Variants in PIGK observed in about 807,000 individuals in gnomAD.
PIGK encodes GPI-anchor transamidase.
A neutral mutation model predicts 50.6 loss-of-function variants in PIGK; 42 were observed. That is an observed-to-expected ratio of 0.83 (90% CI 0.65 to 1.07). The LOEUF is 1.07. PIGK is among the 50% of genes least tolerant of loss of function. PIGK has a pLI of 0.00. For synonymous variants in PIGK, 151 were observed against 156.0 expected (o/e 0.97, Z 0.24); for missense variants, 448 against 488.7 (o/e 0.92, Z 0.78).
chr1:77,162,063 C>G (rs1206612260), intron 6 of PIGK, among the ~76,000 whole-genome samples: 3 of 152,142 alleles, frequency 2.0e-5, no homozygotes, highest in Non-Finnish European at 4.4e-5. Context: ...AGAAGTATGA[C>G]TTAGTAACTA....
intron 3 of PIGK, chr1:77,195,421 T>C (rs1656011356): frequency 1.9e-6 from 2 of 1,033,802 alleles, no homozygotes; most frequent in African/African-American, 3.2e-5. Context: ...GGTGCTCACT[T>C]CCTGTTTCCA....
intron 1 of PIGK, among the ~76,000 whole-genome samples, chr1:77,212,159 C>T (rs1490995622): frequency 6.6e-6 from 1 of 152,068 alleles, no homozygotes; most frequent in Non-Finnish European, 1.5e-5. Context: ...ACCATCCTGA[C>T]ACCTAATGAA....
intron 1 of PIGK, among the ~76,000 whole-genome samples, chr1:77,214,225 A>C (rs1265577450): frequency 6.6e-6 from 1 of 151,890 alleles, no homozygotes; most frequent in Non-Finnish European, 1.5e-5. Context: ...AGCATACAAC[A>C]AAAAAAAGGA....
intron 9 of PIGK, among the ~76,000 whole-genome samples, chr1:77,136,031 C>CT (rs935461204): frequency 2.0e-5 from 3 of 152,102 alleles, no homozygotes; most frequent in Non-Finnish European, 4.4e-5. Flanking sequence ...GTTCATTTCC[C>CT]TTTTTCAAAA....
At chr1:77,154,694 CACTAA>C in intron 8 of PIGK, 73 bp from the exon 9 acceptor site, 2 of 952,648 alleles carry the variant, frequency 2.1e-6, no homozygotes, top group Non-Finnish European at 3.2e-6. Context: ...TCACATAATT[CACTAA>C]ACTATAGTGT....
intron 9 of PIGK, among the ~76,000 whole-genome samples, chr1:77,128,748 A>C (rs2100532974): frequency 6.6e-6 from 1 of 152,330 alleles, no homozygotes; most frequent in East Asian, 1.9e-4. Flanking sequence ...TTTTACACAC[A>C]TATTTATATA....
At chr1:77,151,150 C>G (rs1227954366) in intron 9 of PIGK, among the ~76,000 whole-genome samples, 1 of 152,066 alleles carries the variant, frequency 6.6e-6, no homozygotes, top group East Asian at 1.9e-4. Flanking sequence ...ACCATTCCAT[C>G]ATGATCAAGT....
At chr1:77,171,479 C>T (rs1436864018) in intron 3 of PIGK, among the ~76,000 whole-genome samples, 1 of 117,718 alleles carries the variant, frequency 8.5e-6, no homozygotes, top group African/African-American at 2.8e-5. Context: ...TTTCTTTAGG[C>T]TATGTTTTCT....
chr1:77,163,402 A>T (rs1463063312), intron 6 of PIGK, among the ~76,000 whole-genome samples: 1 of 152,144 alleles, frequency 6.6e-6, no homozygotes, highest in Non-Finnish European at 1.5e-5. Flanking sequence ...GGTTACTAAC[A>T]ATCATCCTTA....
In PIGK at chr1:77,215,470, G is replaced by A. The variant is rs185844043; in HGVS notation, c.93+3840C>T. Among the ~76,000 whole-genome samples, 158 of 152,244 alleles carry A rather than the reference G, an allele frequency of 1.0e-3. 1 individual carries two copies. Among genetic ancestry groups the A allele is most frequent in the African/African-American group, 3.6e-3 (148 of 41,550 alleles). On this transcript the variant is annotated intron_variant, in intron 1 of 10. Transcript: ENST00000370812. Reference sequence around the variant, plus strand: ...TTGGGAATTCTTATACACTGCTGGTGGGAATGTAAATTAGTATAGCCACTA... The same window carrying A: ...TTGGGAATTCTTATACACTGCTGGTAGGAATGTAAATTAGTATAGCCACTA...
At chr1:77,207,376 C>T (rs1028100335) in intron 2 of PIGK, among the ~76,000 whole-genome samples, 4 of 152,104 alleles carry the variant, frequency 2.6e-5, no homozygotes, top group African/African-American at 9.7e-5. Context: ...AAAGACAATG[C>T]CCATAATTTC....
intron 9 of PIGK, among the ~76,000 whole-genome samples, chr1:77,123,155 G>A (rs1422022363): frequency 6.6e-6 from 1 of 152,042 alleles, no homozygotes; most frequent in Non-Finnish European, 1.5e-5. Flanking sequence ...CTTTTCAAAT[G>A]AAGAAAATGT....
At chr1:77,127,687 TAA>T (rs539392694) in intron 9 of PIGK, among the ~76,000 whole-genome samples, 51 of 152,226 alleles carry the variant, frequency 3.4e-4, no homozygotes, top group African/African-American at 1.2e-3. Context: ...AATAAATAAT[TAA>T]AGACACATCA....
intron 3 of PIGK, among the ~76,000 whole-genome samples, chr1:77,182,704 T>G (rs839803): frequency 0.99 from 151,467 of 152,284 alleles, 75,330 homozygotes; most frequent in Middle Eastern, 1. Flanking sequence ...GGTTTCTGGA[T>G]TTGGCTGCTT....
intron 1 of PIGK, among the ~76,000 whole-genome samples, chr1:77,213,414 T>A (rs1011651667): frequency 1.7e-4 from 26 of 152,132 alleles, no homozygotes; most frequent in African/African-American, 6.3e-4. Flanking sequence ...ACATGACAAA[T>A]TTTGGAAAAT....
chr1:77,091,454 C>T lies in PIGK; in HGVS notation c.*920G>A, dbSNP rs890671978. On this transcript the variant is annotated 3_prime_UTR_variant, in exon 11 of 11. Coordinates refer to ENST00000370812, the MANE Select transcript of PIGK (RefSeq NM_005482.3). The stretch of plus-strand genomic sequence containing the variant: ...GGAAAGTATAGATACAGCCAGTGGG[C>T]AAGGAGGTTTACCTAAAACAGAATG... 1 of 152,150 alleles carries T rather than the reference C, an allele frequency of 6.6e-6. No individual in the cohort carries two copies. Among genetic ancestry groups the T allele is most frequent in the Non-Finnish European group, 1.5e-5 (1 of 68,012 alleles). 9.4% of individuals were successfully genotyped at this position (152,150 alleles called of 1,614,324 possible).
intron 10 of PIGK, among the ~76,000 whole-genome samples, chr1:77,113,701 G>C (rs1653903606): frequency 6.6e-6 from 1 of 152,128 alleles, no homozygotes; most frequent in Admixed American, 6.5e-5. Flanking sequence ...ATGGTGGCTA[G>C]ATTATCCAGA....
At chr1:77,104,874 T>G (rs1489119179) in intron 10 of PIGK, among the ~76,000 whole-genome samples, 1 of 152,138 alleles carries the variant, frequency 6.6e-6, no homozygotes, top group Non-Finnish European at 1.5e-5. Flanking sequence ...GAGTGGGTGT[T>G]ACAGTGTTCT....
intron 3 of PIGK, among the ~76,000 whole-genome samples, chr1:77,203,241 T>A (rs1251307614): frequency 3.3e-5 from 5 of 152,208 alleles, no homozygotes; most frequent in Non-Finnish European, 5.9e-5. Flanking sequence ...ATACTAACCT[T>A]AGAACCTAAC....
Sources: allele counts gnomAD v4.1 joint callset (sites outside exome capture counted in the v4.1 genomes callset), GRCh38; gene constraint gnomAD v4.1.1; transcripts MANE v1.5; gene names NCBI Gene and HGNC (gene_info 2026-07-23, HGNC 2026-07-21).